The following MIPOL1 variants were observed in gnomAD, a reference collection of about 807,000 sequenced individuals.
MIPOL1 encodes the protein mirror-image polydactyly gene 1 protein.
Under a neutral mutation model 60.9 loss-of-function variants are expected in MIPOL1, and 57 were observed. That is an observed-to-expected ratio of 0.94 (90% CI 0.76 to 1.17). The LOEUF is 1.17. MIPOL1 is among the 50% of genes most tolerant of loss of function. MIPOL1 has a pLI of 0.00. For missense variants in MIPOL1, 551 were observed against 511.6 expected, an observed-to-expected ratio of 1.08 and a Z score of -0.74; for synonymous variants, 179 against 168.8, an observed-to-expected ratio of 1.06 and a Z score of -0.47.
At chr14:37,422,760 C>A in intron 10 of MIPOL1, 95 bp from the exon 11 acceptor site, 1 of 682,158 alleles carries the variant, frequency 1.5e-6, no homozygotes. Context: ...TTTTTTTTAA[C>A]TGTCAGTAAT....
At chr14:37,230,580 T>A (rs941959254) in intron 1 of MIPOL1, among the ~76,000 whole-genome samples, 1 of 152,212 alleles carries the variant, frequency 6.6e-6, no homozygotes, top group Non-Finnish European at 1.5e-5. Flanking sequence ...TTTTATAAGA[T>A]GTTGAAGAAA....
chr14:37,474,489 C>G lies in MIPOL1; in HGVS notation c.1032-25419C>G, dbSNP rs375814231. The stretch of plus-strand genomic sequence containing the variant: ...TCTAATGGTTTTATAAAGGGCAGTT[C>G]CCCTACATAGTCTCTTGTCTGCCAC... On this transcript the variant is annotated intron_variant, in intron 11 of 12. Transcript: ENST00000684589. 2.6e-5 allele frequency among the ~76,000 whole-genome samples: 4 copies of G among 152,112 alleles called. No homozygotes were observed. The East Asian group carries it at 5.8e-4, about 22-fold the overall frequency.
intron 3 of MIPOL1, among the ~76,000 whole-genome samples, chr14:37,262,612 T>C (rs2082590490): frequency 6.6e-6 from 1 of 152,184 alleles, no homozygotes; most frequent in African/African-American, 2.4e-5. Flanking sequence ...AGGGAGCACA[T>C]TAACAAACTG....
chr14:37,463,454 G>C (rs2094563389), intron 11 of MIPOL1, among the ~76,000 whole-genome samples: 1 of 152,094 alleles, frequency 6.6e-6, no homozygotes, highest in Non-Finnish European at 1.5e-5. Flanking sequence ...AAATAAAGCT[G>C]CATGCCTACA....
chr14:37,286,570 C>T (rs1030601474), intron 7 of MIPOL1, among the ~76,000 whole-genome samples: 1 of 152,096 alleles, frequency 6.6e-6, no homozygotes, highest in Admixed American at 6.5e-5. Context: ...TTTACCTTGT[C>T]CAGTGTTGTC....
intron 1 of MIPOL1, among the ~76,000 whole-genome samples, chr14:37,243,231 C>T (rs919226482): frequency 1.3e-5 from 2 of 152,114 alleles, no homozygotes; most frequent in African/African-American, 4.8e-5. Context: ...ATCCTTTCTT[C>T]CTGAACCTCT....
chr14:37,353,720 G>A (rs2091585546), intron 9 of MIPOL1, among the ~76,000 whole-genome samples: 1 of 152,068 alleles, frequency 6.6e-6, no homozygotes, highest in Admixed American at 6.6e-5. Context: ...TTCTCTGATG[G>A]TAGTTTGTAT....
intron 12 of MIPOL1, among the ~76,000 whole-genome samples, chr14:37,522,841 A>T (rs1022771841): frequency 6.6e-6 from 1 of 152,104 alleles, no homozygotes; most frequent in African/African-American, 2.4e-5. Context: ...CTAGGAATAC[A>T]TTTCAAGTAG....
chr14:37,361,332 G>A (rs1427566573), intron 9 of MIPOL1, among the ~76,000 whole-genome samples: 1 of 152,058 alleles, frequency 6.6e-6, no homozygotes, highest in Non-Finnish European at 1.5e-5. Flanking sequence ...TGTCTATTAG[G>A]TCCCCTTGGT....
intron 9 of MIPOL1, among the ~76,000 whole-genome samples, chr14:37,318,791 TTTTATTTATTTATTTA>T (rs149083164): frequency 1.7e-3 from 259 of 149,792 alleles, no homozygotes; most frequent in Middle Eastern, 0.01. Context: ...TTTTACTTCA[TTTTATTTATTTATTTA>T]TTTATTTATT....
intron 10 of MIPOL1, among the ~76,000 whole-genome samples, chr14:37,382,684 C>T (rs1163385300): frequency 3.3e-5 from 5 of 151,816 alleles, no homozygotes; most frequent in African/African-American, 1.2e-4. Flanking sequence ...TTGTGTTGTT[C>T]AGTGTTGGTT....
intron 10 of MIPOL1, among the ~76,000 whole-genome samples, chr14:37,416,000 C>A (rs899007554): frequency 1.3e-5 from 2 of 152,048 alleles, no homozygotes; most frequent in Non-Finnish European, 2.9e-5. Context: ...AGTTGATAAT[C>A]TCTCTTTTAT....
intron 9 of MIPOL1, among the ~76,000 whole-genome samples, chr14:37,340,509 A>G (rs1447498325): frequency 6.6e-6 from 1 of 152,076 alleles, no homozygotes; most frequent in African/African-American, 2.4e-5. Context: ...CAGGAGTTCA[A>G]GACCAGCCTG....
chr14:37,445,365 G>A (rs558763928), intron 11 of MIPOL1, among the ~76,000 whole-genome samples: 1 of 152,184 alleles, frequency 6.6e-6, no homozygotes, highest in African/African-American at 2.4e-5. Context: ...CAACTTACAA[G>A]GGACATGAAG....
intron 9 of MIPOL1, among the ~76,000 whole-genome samples, chr14:37,363,207 T>G (rs2092343916): frequency 6.6e-6 from 1 of 152,200 alleles, no homozygotes; most frequent in Non-Finnish European, 1.5e-5. Context: ...TTTTTAGAAT[T>G]TTCAGCTTTT....
intron 6 of MIPOL1, among the ~76,000 whole-genome samples, chr14:37,282,669 A>G (rs1418296726): frequency 1.4e-5 from 2 of 141,032 alleles, no homozygotes; most frequent in Non-Finnish European, 3.0e-5. Flanking sequence ...ACCCCGCTGG[A>G]GCCTGGGAGG....
chr14:37,464,220 G>A (rs1237692304), intron 11 of MIPOL1, among the ~76,000 whole-genome samples: 1 of 148,984 alleles, frequency 6.7e-6, no homozygotes, highest in Non-Finnish European at 1.5e-5. Context: ...AAATAAAAAT[G>A]GAACTACCAT....
At chr14:37,454,658 A>G (rs2094457276) in intron 11 of MIPOL1, among the ~76,000 whole-genome samples, 1 of 152,220 alleles carries the variant, frequency 6.6e-6, no homozygotes, top group Admixed American at 6.5e-5. Flanking sequence ...TTATAAAAAC[A>G]GAATGAAAAT....
intron 1 of MIPOL1, among the ~76,000 whole-genome samples, chr14:37,203,734 C>T (rs2070789703): frequency 1.3e-5 from 2 of 152,244 alleles, no homozygotes; most frequent in Middle Eastern, 3.4e-3. Flanking sequence ...TGAAGGGGAC[C>T]TCCAGCCAGT....
Sources: gnomAD v4.1 joint callset for allele counts (sites outside exome capture counted in the v4.1 genomes callset) on GRCh38, gnomAD v4.1.1 for gene constraint, MANE v1.5 for transcripts, NCBI Gene and HGNC (gene_info 2026-07-23, HGNC 2026-07-21) for gene names.